ARAP1: variants seen among roughly 807,000 people sequenced by gnomAD.
ARAP1 encodes the protein arf-GAP with Rho-GAP domain, ANK repeat and PH domain-containing protein 1.
ARAP1 carries 76 observed loss-of-function variants against 172.2 expected under a neutral mutation model. The observed-to-expected ratio is 0.44, with a 90% confidence interval of 0.37 to 0.53. ARAP1 has a LOEUF of 0.53. ARAP1 is among the 20% of genes least tolerant of loss of function. The probability of loss-of-function intolerance (pLI) is 0.00; values close to 1 mark genes in which losing one functional copy is unlikely to be tolerated. For missense variants in ARAP1, 1,686 were observed against 1,977.5 expected (o/e 0.85, Z 2.80); for synonymous variants, 804 against 803.3 (o/e 1.00, Z -0.01).
rs1857065747 is a variant in ARAP1, at chr11:72,712,463, C to T, written c.853G>A (p.Asp285Asn). The T allele has an allele frequency of 6.2e-7, 1 of 1,600,196 alleles. No homozygotes were observed. Among genetic ancestry groups the T allele is most frequent in the East Asian group, 2.2e-5 (1 of 44,514 alleles). The change falls in exon 6 of 35, where the codon GAC becomes AAC. Residue 285 changes from aspartate (D) to asparagine (N), a missense_variant. By Grantham distance (23) the Asp-to-Asn change is conservative (BLOSUM62 1). This residue lies in a region of ARAP1 where 688 missense variants were observed against 856.9 expected (regional missense o/e 0.80). Coordinates refer to ENST00000393609, the MANE Select transcript of ARAP1 (RefSeq NM_001040118.3). ...TTGGGGACGCCCTCATAGGCGTGGT[C>T]ATCCTCTTCCTCATCCCCTTGGTCG... ...GDDQGDEEED[D>N]HAYEGVPNGG...
At chr11:72,716,402 G>A (rs1857275435) in intron 3 of ARAP1, among the ~76,000 whole-genome samples, 1 of 152,196 alleles carries the variant, frequency 6.6e-6, no homozygotes, top group Admixed American at 6.5e-5. Context: ...CTTCGGCTAG[G>A]TTTCCAGCTC....
intron 12 of ARAP1, 108 bp from the exon 13 acceptor site, chr11:72,705,998 G>T: frequency 9.3e-7 from 1 of 1,075,798 alleles, no homozygotes; most frequent in Non-Finnish European, 1.4e-6. Flanking sequence ...GCCACAGGCA[G>T]GCCCCAGGGG....
At chr11:72,705,585 T>A (rs1856721070) in intron 13 of ARAP1, 3 of 471,622 alleles carry the variant, frequency 6.4e-6, no homozygotes, top group Non-Finnish European at 1.1e-5. Context: ...TAAAAAAAAA[T>A]AACACTTTAC....
chr11:72,721,391 C>T (rs1424867089), intron 3 of ARAP1, among the ~76,000 whole-genome samples: 2 of 152,160 alleles, frequency 1.3e-5, no homozygotes, highest in African/African-American at 2.4e-5. Flanking sequence ...TCACAGCACC[C>T]TTGAACTTGA....
Position 72,699,240 on chromosome 11 carries a change from G to A in ARAP1, c.2439-133C>T. 7.3e-7 allele frequency: 1 copy of A among 1,374,866 alleles called. No individual in the cohort carries two copies. Among genetic ancestry groups the A allele is most frequent in the Non-Finnish European group, 1.0e-6 (1 of 996,666 alleles). 85.2% of individuals were successfully genotyped at this position (1,374,866 alleles called of 1,614,324 possible). ...TTGTCCTTATTCTGGTCCCCTAAGAGGTGGTGGAAAAGTCTTGGGCTGGGG... is the reference window on the plus strand; with the variant it reads ...TTGTCCTTATTCTGGTCCCCTAAGAAGTGGTGGAAAAGTCTTGGGCTGGGG... On this transcript the variant is annotated intron_variant, in intron 17 of 34. Transcript: ENST00000393609. The surrounding 1 kb of genome is among the most constrained non-coding windows in gnomAD (Gnocchi z 4.2).
At chr11:72,735,419 C>A (rs72964198) in intron 1 of ARAP1, among the ~76,000 whole-genome samples, 3 of 151,550 alleles carry the variant, frequency 2.0e-5, no homozygotes, top group African/African-American at 7.3e-5. Context: ...GAGACCAGCC[C>A]GACTGTCTCT....
chr11:72,698,578 C>T (rs886421899), intron 18 of ARAP1, among the ~76,000 whole-genome samples: 3 of 152,178 alleles, frequency 2.0e-5, no homozygotes, highest in Admixed American at 6.5e-5. Context: ...CAGGCTCTCA[C>T]AGCACAGGGG....
At position 72,726,960 on chromosome 11, in the gene ARAP1, G is replaced by A. The variant is rs1441837998; in HGVS notation, c.169C>T (p.Arg57Cys). Residue 57 changes from arginine (R) to cysteine (C), a missense_variant, in exon 3 of 35, where the codon CGC becomes TGC. Arg to Cys is a radical substitution (Grantham distance 180). Transcript: ENST00000393609. The surrounding 1 kb of genome is among the most constrained non-coding windows in gnomAD (Gnocchi z 6.5). ...AGCAGGCCAGCCAGGATGCGGCGGC[G>A]GTGACCAGGGAGTAGCATGCCCATG... is the stretch of plus-strand genomic sequence containing the variant. ...MDMGMLLPGHRRRILAGLLRA... is the reference protein window; with the variant it reads ...MDMGMLLPGHCRRILAGLLRA... The A allele has an allele frequency of 4.4e-6, 7 of 1,600,228 alleles. No homozygotes were observed. Among genetic ancestry groups the A allele is most frequent in the East Asian group, 2.3e-5 (1 of 44,190 alleles).
chr11:72,740,666 C>T (rs1462759615), intron 1 of ARAP1, among the ~76,000 whole-genome samples: 1 of 152,182 alleles, frequency 6.6e-6, no homozygotes, highest in East Asian at 1.9e-4. Flanking sequence ...AAAGCCCCCT[C>T]CCTGCCCCCG....
intron 3 of ARAP1, among the ~76,000 whole-genome samples, chr11:72,719,954 C>T (rs1288593250): frequency 3.3e-5 from 5 of 152,206 alleles, no homozygotes; most frequent in African/African-American, 1.2e-4. Flanking sequence ...CAGGCCTCCC[C>T]TCACATCTCA....
Position 72,697,106 on chromosome 11 carries a change from C to T in ARAP1, c.3043G>A (p.Val1015Met), listed in dbSNP as rs772943830. 1 of 1,608,310 alleles carries T rather than the reference C, an allele frequency of 6.2e-7. No individual in the cohort carries two copies. Among genetic ancestry groups the T allele is most frequent in the Non-Finnish European group, 8.5e-7 (1 of 1,179,910 alleles). Residue 1015 changes from valine (V) to methionine (M), a missense_variant, in exon 22 of 35, where the codon GTG becomes ATG. Val to Met is a conservative substitution (Grantham distance 21). Coordinates refer to ENST00000393609, the MANE Select transcript of ARAP1 (RefSeq NM_001040118.3). ...TGCTGCTCGCCCTCCTTGAGGTGCA[C>T]AGAGCGCGCATCCTGCCGCAGGCTC... ...LESLRQDARS[V>M]HLKEGEQHVD... is the part of the protein sequence containing the mutation.
In ARAP1 at chr11:72,711,031, T is replaced by A. The variant is rs773278858; in HGVS notation, c.1203A>T (p.Ala401=). 6.2e-7 allele frequency: 1 copy of A among 1,614,240 alleles called. No individual in the cohort carries two copies. The highest frequency in any genetic ancestry group is 1.1e-5 in the South Asian group (1 of 91,092). Residue 401 remains alanine, a synonymous_variant, in exon 9 of 35, where the codon GCA becomes GCT. Coordinates refer to ENST00000393609, the MANE Select transcript of ARAP1 (RefSeq NM_001040118.3). ...ITNNRTFAFR[A]ESDVERKEWM... is the part of the protein sequence containing the mutation. ...CCCCACACTCCCCACCATCACTCTCTGCCCGGAAGGCAAAGGTTCGGTTGT... is the reference window on the plus strand; with the variant it reads ...CCCCACACTCCCCACCATCACTCTCAGCCCGGAAGGCAAAGGTTCGGTTGT...
intron 2 of ARAP1, among the ~76,000 whole-genome samples, chr11:72,730,047 A>G (rs1349181021): frequency 6.6e-6 from 1 of 152,208 alleles, no homozygotes; most frequent in African/African-American, 2.4e-5. Context: ...CTTGCATGGT[A>G]AAAAGCACCA....
At chr11:72,738,131 G>A (rs573343239) in intron 1 of ARAP1, among the ~76,000 whole-genome samples, 1 of 152,342 alleles carries the variant, frequency 6.6e-6, no homozygotes, top group South Asian at 2.1e-4. Context: ...GAGGTGGCCA[G>A]GTGGAGGCCA....
chr11:72,713,208 G>A lies in ARAP1; in HGVS notation c.715C>T (p.Pro239Ser). 1 of 1,614,022 alleles carries A rather than the reference G, an allele frequency of 6.2e-7. No homozygotes were observed. Among genetic ancestry groups the A allele is most frequent in the African/African-American group, 1.3e-5 (1 of 75,032 alleles). ...GTCATCACTCTGGCTGGGGCCCCCGGCCCCTCCTCTGGGACCTCATCGTAG... is the reference window on the plus strand; with the variant it reads ...GTCATCACTCTGGCTGGGGCCCCCGACCCCTCCTCTGGGACCTCATCGTAG... ...SDYDEVPEEG[P>S]GAPARVMTKK... Residue 239 changes from proline (P) to serine (S), a missense_variant, in exon 5 of 35, where the codon CCG (proline) becomes TCG (serine). By Grantham distance (74) the Pro-to-Ser change is moderately conservative. Transcript: ENST00000393609.
chr11:72,692,799 G>C lies in ARAP1; in HGVS notation c.3955-14C>G. 6.2e-7 allele frequency: 1 copy of C among 1,613,368 alleles called. No individual in the cohort carries two copies. Among genetic ancestry groups the C allele is most frequent in the Non-Finnish European group, 8.5e-7 (1 of 1,179,974 alleles). The stretch of plus-strand genomic sequence containing the variant: ...CGGCCTCTGGCTCTGTTTGATAGAG[G>C]ATCAGGGTTATGGAAGAAGTCCCAG... On this transcript the variant is annotated splice_polypyrimidine_tract_variant and intron_variant, in intron 29 of 34. Coordinates refer to ENST00000393609, the MANE Select transcript of ARAP1 (RefSeq NM_001040118.3).
intron 30 of ARAP1, among the ~76,000 whole-genome samples, chr11:72,689,885 G>A (rs966960604): frequency 6.6e-6 from 1 of 152,170 alleles, no homozygotes; most frequent in Admixed American, 6.5e-5. Flanking sequence ...GAAACAAGAT[G>A]TGGGGGAATA....
At position 72,687,518 on chromosome 11, in the gene ARAP1, C is replaced by T. The variant is rs201803171; in HGVS notation, c.4122-16G>A. 1.1e-3 allele frequency: 1,719 copies of T among 1,614,154 alleles called. 4 individuals are homozygous for T. Among genetic ancestry groups the T allele is most frequent in the African/African-American group, 1.7e-3 (127 of 75,030 alleles). On this transcript the variant is annotated splice_polypyrimidine_tract_variant and intron_variant, in intron 32 of 34. Transcript: ENST00000393609. ...GCAGAGGTACCTGCAGGGTTGGACG[C>T]GGACCCACATGATGCCAAAGGCCTG...
chr11:72,700,566 T>C (rs899736852), intron 16 of ARAP1: 3 of 152,282 alleles, frequency 2.0e-5, no homozygotes, highest in Non-Finnish European at 4.4e-5. Context: ...ATTTGCCAAG[T>C]GCCCACTGTG....
Sources: allele counts gnomAD v4.1 joint callset (sites outside exome capture counted in the v4.1 genomes callset), GRCh38; gene constraint gnomAD v4.1.1; regional missense constraint gnomAD v4.1.1; non-coding constraint Gnocchi (gnomAD v3.1); transcripts MANE v1.5; gene names NCBI Gene and HGNC (gene_info 2026-07-23, HGNC 2026-07-21).